DNAJC3: variants seen among roughly 807,000 people sequenced by gnomAD.
The protein encoded by DNAJC3 is dnaJ homolog subfamily C member 3.
In DNAJC3, 38 loss-of-function variants were observed where a neutral mutation model predicts 68.6. That is an observed-to-expected ratio of 0.55 (90% CI 0.43 to 0.73). The LOEUF (loss-of-function observed/expected upper bound fraction) is 0.73, where lower values mean the gene tolerates loss of function less well. Among genes scored for constraint, DNAJC3 ranks in the 30% least tolerant of loss-of-function variants. The probability of loss-of-function intolerance (pLI) is 0.00; values close to 1 mark genes in which losing one functional copy is unlikely to be tolerated. For missense variants in DNAJC3, 526 were observed against 591.9 expected, an observed-to-expected ratio of 0.89 and a Z score of 1.16; for synonymous variants, 203 against 204.0, an observed-to-expected ratio of 1.00 and a Z score of 0.04.
At chr13:95,742,547 C>G in intron 4 of DNAJC3, 1 of 431,508 alleles carries the variant, frequency 2.3e-6, no homozygotes, top group East Asian at 5.6e-5. Context: ...GGGTCACTTA[C>G]TTACTTTTTC....
chr13:95,702,486 A>G (rs1201673791), intron 1 of DNAJC3, among the ~76,000 whole-genome samples: 1 of 152,178 alleles, frequency 6.6e-6, no homozygotes. Flanking sequence ...ATATGTTGAA[A>G]CCTAATCTGA....
intron 1 of DNAJC3, among the ~76,000 whole-genome samples, chr13:95,699,493 AATGTT>A: frequency 6.6e-6 from 1 of 152,302 alleles, no homozygotes; most frequent in Middle Eastern, 3.4e-3. Flanking sequence ...TTGTAGCTAA[AATGTT>A]ATGTTAAATG....
In DNAJC3 at chr13:95,760,849, G is replaced by T. The variant is rs751635353; in HGVS notation, c.848+51G>T. On this transcript the variant is annotated intron_variant, in intron 7 of 11. Coordinates refer to ENST00000602402, the MANE Select transcript of DNAJC3 (RefSeq NM_006260.5). ...CCAGCCATTCCTTATGTGCGGGGCT[G>T]TGGGCACAAGTGAACTACAGAACTG... The T allele has an allele frequency of 5.1e-6, 8 of 1,581,034 alleles. No homozygotes were observed. In the African/African-American group the frequency reaches 9.5e-5, roughly 19 times the overall value.
Position 95,717,236 on chromosome 13 carries a change from T to G in DNAJC3, c.194-6006T>G, listed in dbSNP as rs1881179651. Among the ~76,000 whole-genome samples the G allele has an allele frequency of 2.0e-5, 3 of 152,356 alleles. No homozygotes were observed. The South Asian group carries it at 6.2e-4, about 32-fold the overall frequency. ...TTCTTCATTTGCTTGGTAAGAAAAC[T>G]AGCACAACCCTTACATAGTTTTGCT... On this transcript the variant is annotated intron_variant, in intron 2 of 11. Coordinates refer to ENST00000602402, the MANE Select transcript of DNAJC3 (RefSeq NM_006260.5).
chr13:95,779,544 A>G (rs956043695), intron 9 of DNAJC3, among the ~76,000 whole-genome samples: 1 of 151,888 alleles, frequency 6.6e-6, no homozygotes, highest in African/African-American at 2.4e-5. Context: ...AAAACTCTCT[A>G]TTTCCATTTC....
At position 95,744,303 on chromosome 13, in the gene DNAJC3, A is replaced by G. The variant is rs139832699; in HGVS notation, c.394-13341A>G. Among the ~76,000 whole-genome samples the G allele has an allele frequency of 1.3e-3, 200 of 152,346 alleles. 2 individuals carry two copies. In the East Asian group the frequency reaches 0.024, roughly 18 times the overall value. ...TATTTTTGTGATTATTTCATAGGAA[A>G]GTACTCACCTTGTACTTAATTCTAT... On this transcript the variant is annotated intron_variant, in intron 4 of 11. Transcript: ENST00000602402.
At chr13:95,719,877 G>A (rs559305664) in intron 2 of DNAJC3, among the ~76,000 whole-genome samples, 1 of 152,250 alleles carries the variant, frequency 6.6e-6, no homozygotes, top group East Asian at 1.9e-4. Flanking sequence ...GATTGGAATG[G>A]TCAGGTTTTT....
At chr13:95,764,379 A>C (rs536262118) in intron 9 of DNAJC3, among the ~76,000 whole-genome samples, 3,731 of 132,884 alleles carry the variant, frequency 0.028, 57 homozygotes, top group Admixed American at 0.066. Flanking sequence ...CTCTCTCTAT[A>C]TATATATATA....
In DNAJC3 at chr13:95,747,778, A is replaced by G. The variant is rs114249538; in HGVS notation, c.394-9866A>G. Among the ~76,000 whole-genome samples, 327 of 152,304 alleles carry G rather than the reference A, an allele frequency of 2.1e-3. 5 individuals are homozygous for G. Among genetic ancestry groups the G allele is most frequent in the African/African-American group, 7.5e-3 (312 of 41,574 alleles). ...CAGTGGTCAAAGAGTAGGCTAATGTAGGTGGGGTAGACGTTTAGGAGGTCG... is the reference window on the plus strand; with the variant it reads ...CAGTGGTCAAAGAGTAGGCTAATGTGGGTGGGGTAGACGTTTAGGAGGTCG... On this transcript the variant is annotated intron_variant, in intron 4 of 11. Transcript: ENST00000602402.
intron 1 of DNAJC3, 118 bp downstream of exon 1, chr13:95,677,455 G>A: frequency 9.5e-7 from 1 of 1,051,726 alleles, no homozygotes; most frequent in Non-Finnish European, 1.3e-6. Context: ...GAGCGCTGGG[G>A]GAGCCCGCGG....
At chr13:95,711,189 A>T (rs566288211) in intron 2 of DNAJC3, among the ~76,000 whole-genome samples, 2 of 152,254 alleles carry the variant, frequency 1.3e-5, no homozygotes, top group South Asian at 2.1e-4. Flanking sequence ...TAGGAAACAT[A>T]TTTTTTTGAT....
At chr13:95,787,190 G>A in intron 11 of DNAJC3, 35 bp downstream of exon 11, 1 of 1,595,352 alleles carries the variant, frequency 6.3e-7, no homozygotes, top group Non-Finnish European at 8.5e-7. Context: ...ACTCATCCTA[G>A]AGGTGGTGTT....
intron 1 of DNAJC3, among the ~76,000 whole-genome samples, chr13:95,707,055 G>C (rs977684969): frequency 2.2e-4 from 34 of 152,304 alleles, no homozygotes; most frequent in African/African-American, 7.9e-4. Flanking sequence ...TGGGTAGGGG[G>C]AGGATAGTTT....
intron 2 of DNAJC3, among the ~76,000 whole-genome samples, chr13:95,710,561 T>C (rs1880923314): frequency 6.6e-6 from 1 of 151,858 alleles, no homozygotes; most frequent in Non-Finnish European, 1.5e-5. Flanking sequence ...TGCTAAACTT[T>C]TGTACTGGGA....
At chr13:95,727,787 T>A (rs1405049508) in intron 4 of DNAJC3, among the ~76,000 whole-genome samples, 1 of 152,192 alleles carries the variant, frequency 6.6e-6, no homozygotes, top group African/African-American at 2.4e-5. Context: ...TTCCATATAC[T>A]TTATCACATG....
chr13:95,697,479 C>T (rs1180800670), intron 1 of DNAJC3, among the ~76,000 whole-genome samples: 1 of 152,198 alleles, frequency 6.6e-6, no homozygotes, highest in Non-Finnish European at 1.5e-5. Context: ...AGTCTGATGA[C>T]TACATTCCTT....
In DNAJC3 at chr13:95,748,949, T is replaced by C. The variant is rs1210148678; in HGVS notation, c.394-8695T>C. Among the ~76,000 whole-genome samples, 4 of 152,252 alleles carry C rather than the reference T, an allele frequency of 2.6e-5. No individual in the cohort carries two copies. In the East Asian group the frequency reaches 7.7e-4, roughly 29 times the overall value. ...TGGTTATAATTTAAAGATAGCACTT[T>C]ATGCTATGATTCAGATAACTGTTCT... On this transcript the variant is annotated intron_variant, in intron 4 of 11. Transcript: ENST00000602402.
intron 1 of DNAJC3, among the ~76,000 whole-genome samples, chr13:95,691,020 A>AC (rs1366047353): frequency 6.8e-5 from 8 of 117,544 alleles, no homozygotes; most frequent in East Asian, 2.6e-4. Flanking sequence ...CGGGGGGCTG[A>AC]CCCCCCCACC....
chr13:95,745,733 C>G (rs1023203132), intron 4 of DNAJC3: 1 of 152,202 alleles, frequency 6.6e-6, no homozygotes. Flanking sequence ...TGCAAATCCC[C>G]TGCACACTCC....
Sources: gnomAD v4.1 joint callset for allele counts (sites outside exome capture counted in the v4.1 genomes callset) on GRCh38, gnomAD v4.1.1 for gene constraint, MANE v1.5 for transcripts, NCBI Gene and HGNC (gene_info 2026-07-23, HGNC 2026-07-21) for gene names.